Variants in DNER observed in about 807,000 individuals in gnomAD.
The protein encoded by DNER is delta/notch like EGF repeat containing.
In DNER, 33 loss-of-function variants were observed where a neutral mutation model predicts 78.2. The observed-to-expected ratio is 0.42, with a 90% CI of 0.32 to 0.56. The LOEUF (loss-of-function observed/expected upper bound fraction) is 0.56, where lower values mean the gene tolerates loss of function less well. DNER is among the 20% of genes least tolerant of loss of function. The pLI is 0.11. For missense variants in DNER, 918 were observed against 975.3 expected (o/e 0.94, Z 0.78); for synonymous variants, 417 against 384.8 (o/e 1.08, Z -0.98).
chr2:229,649,095 G>A (rs1698768570), intron 1 of DNER, among the ~76,000 whole-genome samples: 1 of 152,214 alleles, frequency 6.6e-6, no homozygotes, highest in Non-Finnish European at 1.5e-5. Context: ...GACGAGGAGA[G>A]AGGAGGAGGC....
At chr2:229,448,281 T>G (rs189917772) in intron 7 of DNER, among the ~76,000 whole-genome samples, 110 of 152,302 alleles carry the variant, frequency 7.2e-4, no homozygotes, top group Non-Finnish European at 1.1e-3. Context: ...TACTACATAT[T>G]ATATAATCCC....
At chr2:229,653,574 G>C (rs773493242) in intron 1 of DNER, among the ~76,000 whole-genome samples, 4 of 146,700 alleles carry the variant, frequency 2.7e-5, no homozygotes, top group Non-Finnish European at 6.0e-5. Flanking sequence ...AGCACCCCCT[G>C]CCCAACACCA....
At chr2:229,675,561 G>A (rs571256190) in intron 1 of DNER, among the ~76,000 whole-genome samples, 71 of 152,280 alleles carry the variant, frequency 4.7e-4, no homozygotes, top group Admixed American at 1.8e-3. Context: ...AGGCTTTCCT[G>A]GTTTCTCACT....
rs908639327 is a variant in DNER, at chr2:229,437,652, T to C, written c.1486+9664A>G. Among the ~76,000 whole-genome samples the C allele has an allele frequency of 4.6e-5, 7 of 152,322 alleles. No individual in the cohort carries two copies. The East Asian group carries it at 1.4e-3, about 29-fold the overall frequency. On this transcript the variant is annotated intron_variant, in intron 8 of 12. Transcript: ENST00000341772. ...AGTTTCCAATCCTCCATGATTGACA[T>C]TGACGGCAAATCATTTCCACTAAGC... is the stretch of plus-strand genomic sequence containing the variant.
chr2:229,587,710 G>T (rs1448732740), intron 3 of DNER, among the ~76,000 whole-genome samples: 2 of 152,092 alleles, frequency 1.3e-5, no homozygotes. Context: ...GGGCAGTGGG[G>T]GGTTGTCAGC....
At chr2:229,664,681 A>T (rs1012027472) in intron 1 of DNER, among the ~76,000 whole-genome samples, 1 of 152,138 alleles carries the variant, frequency 6.6e-6, no homozygotes, top group Non-Finnish European at 1.5e-5. Flanking sequence ...TCATAATTAG[A>T]CCTTAAGCTG....
At chr2:229,521,173 T>C (rs1696089552) in intron 5 of DNER, among the ~76,000 whole-genome samples, 1 of 152,180 alleles carries the variant, frequency 6.6e-6, no homozygotes, top group South Asian at 2.1e-4. Flanking sequence ...TGGAATCATT[T>C]TGCTCCTAGT....
chr2:229,598,768 C>G (rs1362675046), intron 1 of DNER, among the ~76,000 whole-genome samples: 1 of 152,086 alleles, frequency 6.6e-6, no homozygotes, highest in Non-Finnish European at 1.5e-5. Context: ...GCTGAGCAAG[C>G]AGTGCCCTGG....
At chr2:229,440,682 C>A (rs6436869) in intron 8 of DNER, among the ~76,000 whole-genome samples, 1 of 152,072 alleles carries the variant, frequency 6.6e-6, no homozygotes, top group Admixed American at 6.6e-5. Context: ...AACCATTTAC[C>A]GACACATCCA....
At chr2:229,702,719 C>T (rs978465558) in intron 1 of DNER, among the ~76,000 whole-genome samples, 2 of 151,798 alleles carry the variant, frequency 1.3e-5, no homozygotes, top group African/African-American at 2.4e-5. Context: ...AGATCGAGAC[C>T]ACCCTGGCTA....
At chr2:229,478,849 C>T (rs368054571) in intron 6 of DNER, among the ~76,000 whole-genome samples, 5 of 151,828 alleles carry the variant, frequency 3.3e-5, no homozygotes, top group Admixed American at 2.6e-4. Flanking sequence ...GTGCAGGATG[C>T]GCAGGTTTGT....
chr2:229,432,929 T>TTTGTTG (rs906457690), intron 8 of DNER, among the ~76,000 whole-genome samples: 4 of 151,786 alleles, frequency 2.6e-5, no homozygotes, highest in Non-Finnish European at 4.4e-5. Flanking sequence ...TTTTTTGTGT[T>TTTGTTG]TTGTTGTTGT....
At chr2:229,626,222 T>G (rs1259370342) in intron 1 of DNER, among the ~76,000 whole-genome samples, 2 of 152,212 alleles carry the variant, frequency 1.3e-5, no homozygotes, top group Admixed American at 6.5e-5. Flanking sequence ...CCCGGCCTAC[T>G]ATGCAACTTC....
chr2:229,510,794 A>C (rs1695851296), intron 6 of DNER, among the ~76,000 whole-genome samples: 1 of 152,200 alleles, frequency 6.6e-6, no homozygotes, highest in African/African-American at 2.4e-5. Context: ...GGAGATAAAA[A>C]TCTGGGGACA....
At chr2:229,620,206 C>T (rs1356117560) in intron 1 of DNER, among the ~76,000 whole-genome samples, 2 of 152,072 alleles carry the variant, frequency 1.3e-5, no homozygotes, top group Non-Finnish European at 2.9e-5. Context: ...AAGAGAGCAT[C>T]GCTCCCGAGA....
intron 1 of DNER, among the ~76,000 whole-genome samples, chr2:229,663,513 TAA>T (rs1437270154): frequency 6.6e-6 from 1 of 152,252 alleles, no homozygotes; most frequent in Non-Finnish European, 1.5e-5. Flanking sequence ...ACAGACACTC[TAA>T]AAGAGTACAA....
intron 1 of DNER, among the ~76,000 whole-genome samples, chr2:229,660,641 T>G (rs1273512407): frequency 2.0e-5 from 3 of 152,154 alleles, no homozygotes; most frequent in Non-Finnish European, 4.4e-5. Flanking sequence ...AACAATACCA[T>G]CAAGTCACCC....
intron 7 of DNER, among the ~76,000 whole-genome samples, chr2:229,468,657 G>C (rs11678693): frequency 0.23 from 34,529 of 152,112 alleles, 4,387 homozygotes; most frequent in Non-Finnish European, 0.28. Flanking sequence ...ACTGAATTGA[G>C]TAATAATAAA....
chr2:229,365,008 G>T (rs974662609), intron 12 of DNER, among the ~76,000 whole-genome samples: 1 of 151,782 alleles, frequency 6.6e-6, no homozygotes, highest in Non-Finnish European at 1.5e-5. Flanking sequence ...TATCTTTGTC[G>T]TTGCTGTTAT....
Sources: gnomAD v4.1 joint callset for allele counts (sites outside exome capture counted in the v4.1 genomes callset) on GRCh38, gnomAD v4.1.1 for gene constraint, MANE v1.5 for transcripts, NCBI Gene and HGNC (gene_info 2026-07-23, HGNC 2026-07-21) for gene names.